Variants in KCNH5 observed in about 807,000 individuals in gnomAD.
The protein encoded by KCNH5 is voltage-gated delayed rectifier potassium channel KCNH5.
Under a neutral mutation model 96.1 loss-of-function variants are expected in KCNH5, and 46 were observed. That is an observed-to-expected ratio of 0.48 (90% CI 0.38 to 0.61). KCNH5 has a LOEUF of 0.61. Among genes scored for constraint, KCNH5 ranks in the 20% least tolerant of loss-of-function variants. KCNH5 has a pLI of 0.00. For missense variants in KCNH5, 907 were observed against 1,225.8 expected (o/e 0.74, Z 3.88); for synonymous variants, 439 against 449.8 (o/e 0.98, Z 0.30).
At chr14:63,001,522 G>C in intron 3 of KCNH5, 63 bp from the exon 4 acceptor site, 1 of 1,484,594 alleles carries the variant, frequency 6.7e-7, no homozygotes, top group Non-Finnish European at 9.0e-7. Flanking sequence ...CAGTGGTTTG[G>C]TCTCCTGGCT....
intron 4 of KCNH5, among the ~76,000 whole-genome samples, chr14:62,998,403 A>G (rs570311991): frequency 6.6e-6 from 1 of 152,294 alleles, no homozygotes; most frequent in Admixed American, 6.5e-5. Flanking sequence ...TCAAAGAACC[A>G]GCTTTGGGTT....
intron 8 of KCNH5, among the ~76,000 whole-genome samples, chr14:62,821,044 A>G (rs1887104204): frequency 6.6e-6 from 1 of 151,978 alleles, no homozygotes; most frequent in Non-Finnish European, 1.5e-5. Flanking sequence ...CCTCACCAGC[A>G]TCTATTACTT....
At chr14:62,990,224 T>C (rs115825772) in intron 4 of KCNH5, among the ~76,000 whole-genome samples, 3,054 of 152,170 alleles carry the variant, frequency 0.02, 107 homozygotes, top group African/African-American at 0.07. Flanking sequence ...CACAGTATCA[T>C]ACATGAAAAT....
At chr14:62,921,799 G>T (rs1889385689) in intron 7 of KCNH5, among the ~76,000 whole-genome samples, 1 of 151,384 alleles carries the variant, frequency 6.6e-6, no homozygotes, top group African/African-American at 2.4e-5. Context: ...AATGGACAAA[G>T]AAGGACAGAT....
intron 10 of KCNH5, chr14:62,712,493 G>T (rs565181317): frequency 1.8e-5 from 11 of 610,038 alleles, no homozygotes; most frequent in Non-Finnish European, 3.2e-5. Context: ...AGTTTAAGTG[G>T]TTTCCCTTAG....
At chr14:62,740,685 C>G (rs980554086) in intron 10 of KCNH5, among the ~76,000 whole-genome samples, 7 of 152,070 alleles carry the variant, frequency 4.6e-5, no homozygotes, top group Admixed American at 1.3e-4. Flanking sequence ...ATGAGCTACA[C>G]ATAAAAGATA....
At chr14:63,040,612 A>C (rs1891805605) in intron 1 of KCNH5, among the ~76,000 whole-genome samples, 1 of 152,172 alleles carries the variant, frequency 6.6e-6, no homozygotes, top group Admixed American at 6.5e-5. Context: ...TAACTTTATA[A>C]CAACAACAAC....
chr14:62,740,379 C>T (rs2139933955), intron 10 of KCNH5, among the ~76,000 whole-genome samples: 1 of 152,260 alleles, frequency 6.6e-6, no homozygotes, highest in Admixed American at 6.5e-5. Context: ...CTTCTCTGGC[C>T]TAGGTTGTCA....
chr14:62,810,530 C>T (rs1315237834), intron 8 of KCNH5, among the ~76,000 whole-genome samples: 2 of 152,048 alleles, frequency 1.3e-5, no homozygotes, highest in Non-Finnish European at 2.9e-5. Context: ...GTCATAAAGA[C>T]CTTTCTGATA....
rs1890597089 is a variant in KCNH5, at chr14:62,981,082, G to A, written c.732C>T (p.Asn244=). The change falls in exon 6 of 11, where the codon AAC becomes AAT. Residue 244 remains asparagine, a synonymous_variant. Transcript: ENST00000322893. ...YNVSFKTKQN[N]IAWLVLDSVV... Reference sequence around the variant, plus strand: ...CACTATCCAGTACCAGCCAGGCTATGTTGTTCTGCTTTGTTTTGAAGGAAA... The same window carrying A: ...CACTATCCAGTACCAGCCAGGCTATATTGTTCTGCTTTGTTTTGAAGGAAA... 1 of 1,614,032 alleles carries A rather than the reference G, an allele frequency of 6.2e-7. No individual in the cohort carries two copies. The highest frequency in any genetic ancestry group is 1.1e-5 in the South Asian group (1 of 91,094).
chr14:62,709,829 G>T lies in KCNH5; in HGVS notation c.2020-1374C>A, dbSNP rs146952348. Among the ~76,000 whole-genome samples the T allele has an allele frequency of 2.0e-5, 3 of 152,296 alleles. No homozygotes were observed. The East Asian group carries it at 5.8e-4, about 29-fold the overall frequency. ...TTTGCTCAGAGTCCTGAAAAGCAAAGTAACTGCAGGTGAAGGCTGTAAGGA... is the reference window on the plus strand; with the variant it reads ...TTTGCTCAGAGTCCTGAAAAGCAAATTAACTGCAGGTGAAGGCTGTAAGGA... On this transcript the variant is annotated intron_variant, in intron 10 of 10. Transcript: ENST00000322893.
rs148131337 is a variant in KCNH5, at chr14:62,929,888, A to C, written c.1369+20245T>G. Among the ~76,000 whole-genome samples, 212 of 152,050 alleles carry C rather than the reference A, an allele frequency of 1.4e-3. 6 individuals are homozygous for C. In the East Asian group the frequency reaches 0.034, roughly 25 times the overall value. ...AATGTTTAGCTCCCATGCAGAATTTAGTTTTCTGTTTCTGCAGTAATTCAC... is the reference window on the plus strand; with the variant it reads ...AATGTTTAGCTCCCATGCAGAATTTCGTTTTCTGTTTCTGCAGTAATTCAC... On this transcript the variant is annotated intron_variant, in intron 7 of 10. Transcript: ENST00000322893.
chr14:62,956,557 T>C (rs1161624512), intron 6 of KCNH5, among the ~76,000 whole-genome samples: 1 of 150,682 alleles, frequency 6.6e-6, no homozygotes, highest in Non-Finnish European at 1.5e-5. Context: ...TGATGTGTTA[T>C]TAAGCTAACA....
intron 7 of KCNH5, among the ~76,000 whole-genome samples, chr14:62,876,019 T>C (rs944526837): frequency 1.3e-5 from 2 of 152,002 alleles, no homozygotes; most frequent in South Asian, 2.1e-4. Flanking sequence ...ATACAAAAAT[T>C]AGCCAGGCAT....
intron 1 of KCNH5, among the ~76,000 whole-genome samples, chr14:63,025,617 T>TAAC (rs1555334304): frequency 1.2e-4 from 2 of 17,036 alleles, no homozygotes; most frequent in East Asian, 4.1e-3. Flanking sequence ...TTTACAATAG[T>TAAC]AACAAAAAAA....
intron 10 of KCNH5, among the ~76,000 whole-genome samples, chr14:62,747,739 C>A (rs768728965): frequency 6.6e-6 from 1 of 152,156 alleles, no homozygotes; most frequent in African/African-American, 2.4e-5. Flanking sequence ...ACATCACAAC[C>A]CCTACCTGTT....
chr14:62,895,638 A>C (rs1270474991), intron 7 of KCNH5, among the ~76,000 whole-genome samples: 1 of 152,186 alleles, frequency 6.6e-6, no homozygotes, highest in African/African-American at 2.4e-5. Context: ...TTCCTGAGTC[A>C]GTATGGGAGT....
intron 6 of KCNH5, among the ~76,000 whole-genome samples, chr14:62,965,851 T>A (rs1890295530): frequency 6.6e-6 from 1 of 152,156 alleles, no homozygotes. Flanking sequence ...ATTAAATAGA[T>A]GTTCTTTTTT....
intron 1 of KCNH5, among the ~76,000 whole-genome samples, chr14:63,017,370 AC>A (rs1891345452): frequency 6.6e-6 from 1 of 151,848 alleles, no homozygotes; most frequent in Admixed American, 6.6e-5. Flanking sequence ...AAATTGGATG[AC>A]CCCCTGCAAA....
Sources: gnomAD v4.1 joint callset for allele counts (sites outside exome capture counted in the v4.1 genomes callset) on GRCh38, gnomAD v4.1.1 for gene constraint, MANE v1.5 for transcripts, NCBI Gene and HGNC (gene_info 2026-07-23, HGNC 2026-07-21) for gene names.